TCF4: variants seen among roughly 807,000 people sequenced by gnomAD.
The protein encoded by TCF4 is transcription factor 4.
Under a neutral mutation model 82.1 loss-of-function variants are expected in TCF4, and 3 were observed. The ratio of observed to expected loss-of-function variants is 0.04; its 90% confidence interval spans 0.02 to 0.09. The LOEUF is 0.09. TCF4 is among the 10% of genes least tolerant of loss of function. The pLI is 1.00. For synonymous variants in TCF4, 276 were observed against 309.6 expected (o/e 0.89, Z 1.14); for missense variants, 518 against 852.7 (o/e 0.61, Z 4.89).
At chr18:55,538,026 G>GCACACACA (rs57686777) in intron 3 of TCF4, among the ~76,000 whole-genome samples, 2,372 of 131,498 alleles carry the variant, frequency 0.018, 33 homozygotes, top group East Asian at 0.065. Flanking sequence ...CTGCGCGCGC[G>GCACACACA]CACACACACA....
chr18:55,282,751 A>G (rs1023641983), intron 8 of TCF4, among the ~76,000 whole-genome samples: 1 of 152,126 alleles, frequency 6.6e-6, no homozygotes, highest in African/African-American at 2.4e-5. Context: ...TGAAATAAAA[A>G]TCCCAAATTC....
chr18:55,541,337 C>T (rs767772362), intron 3 of TCF4, among the ~76,000 whole-genome samples: 1 of 151,936 alleles, frequency 6.6e-6, no homozygotes, highest in Non-Finnish European at 1.5e-5. Flanking sequence ...ATTAGGAGAT[C>T]ATGATCTCAT....
chr18:55,549,414 T>C (rs990571751), intron 3 of TCF4, among the ~76,000 whole-genome samples: 1 of 152,226 alleles, frequency 6.6e-6, no homozygotes, highest in Non-Finnish European at 1.5e-5. Flanking sequence ...TTGACTCTTT[T>C]GTAATAACAC....
chr18:55,394,270 AC>A (rs997361772), intron 6 of TCF4, among the ~76,000 whole-genome samples: 2 of 151,912 alleles, frequency 1.3e-5, no homozygotes, highest in Non-Finnish European at 1.5e-5. Context: ...ACACACAGAG[AC>A]CCCCCCATGT....
chr18:55,623,855 G>C (rs933220708), intron 2 of TCF4, among the ~76,000 whole-genome samples: 1 of 152,022 alleles, frequency 6.6e-6, no homozygotes, highest in African/African-American at 2.4e-5. Flanking sequence ...TGTCAAGCTG[G>C]GACTATTTCA....
intron 6 of TCF4, among the ~76,000 whole-genome samples, chr18:55,397,616 G>A (rs2093576827): frequency 1.3e-5 from 2 of 152,180 alleles, no homozygotes; most frequent in Non-Finnish European, 1.5e-5. Context: ...AATGACACGC[G>A]TAAATGGCAT....
Position 55,227,524 on chromosome 18 carries a change from C to G in TCF4, c.*511G>C, listed in dbSNP as rs939273703. On this transcript the variant is annotated 3_prime_UTR_variant, in exon 20 of 20. Coordinates refer to ENST00000354452, the MANE Select transcript of TCF4 (RefSeq NM_001083962.2). ...TGTTACTAGGGCAGCCGAGCTTCCCCTAATTCAATATCCAGTAATTATAAA... is the reference window on the plus strand; with the variant it reads ...TGTTACTAGGGCAGCCGAGCTTCCCGTAATTCAATATCCAGTAATTATAAA... The G allele has an allele frequency of 2.0e-5, 3 of 152,322 alleles. No individual in the cohort carries two copies. Among genetic ancestry groups the G allele is most frequent in the Non-Finnish European group, 2.9e-5 (2 of 67,996 alleles). The allele number at this position is 152,322 out of a possible 1,614,324, so 9.4% of individuals were successfully genotyped here. A position where few individuals can be genotyped will look rare whatever the true frequency, so the allele number is the denominator to read the frequency against.
chr18:55,485,034 A>G (rs943637495), intron 3 of TCF4, among the ~76,000 whole-genome samples: 4 of 152,180 alleles, frequency 2.6e-5, no homozygotes, highest in Non-Finnish European at 5.9e-5. Context: ...CTAAGACACA[A>G]AGGTGCAGCC....
chr18:55,341,560 G>A (rs2079967362), intron 8 of TCF4, among the ~76,000 whole-genome samples: 1 of 152,162 alleles, frequency 6.6e-6, no homozygotes, highest in Admixed American at 6.5e-5. Context: ...TGTAAGTAGA[G>A]GCTGTCAGAC....
At chr18:55,600,407 C>T (rs2097695596) in intron 2 of TCF4, among the ~76,000 whole-genome samples, 1 of 152,182 alleles carries the variant, frequency 6.6e-6, no homozygotes, top group Non-Finnish European at 1.5e-5. Flanking sequence ...TATATTGCTG[C>T]TGCCTCCTCA....
chr18:55,499,550 C>T (rs747065460), intron 3 of TCF4, among the ~76,000 whole-genome samples: 5 of 152,174 alleles, frequency 3.3e-5, no homozygotes, highest in African/African-American at 1.2e-4. Flanking sequence ...CTTGACTGTA[C>T]ATTAGAATCA....
Position 55,622,169 on chromosome 18 carries a change from A to G in TCF4, c.286+9129T>C, listed in dbSNP as rs902972584. 1.0e-4 allele frequency among the ~76,000 whole-genome samples: 10 copies of G among 98,642 alleles called. No homozygotes were observed. The South Asian group carries it at 2.8e-3, about 28-fold the overall frequency. The allele number at this position is 98,642 out of a possible 152,430, so 64.7% of individuals were successfully genotyped here. A position where few individuals can be genotyped will look rare whatever the true frequency, so the allele number is the denominator to read the frequency against. On this transcript the variant is annotated intron_variant, in intron 2 of 20. Transcript: ENST00000398339. ...CAAGATTACACACACACACACACAC[A>G]CACGCACTCACACACACACCCTCTT...
At chr18:55,608,478 T>C (rs1271931056) in intron 2 of TCF4, among the ~76,000 whole-genome samples, 1 of 151,736 alleles carries the variant, frequency 6.6e-6, no homozygotes, top group Admixed American at 6.6e-5. Flanking sequence ...GGCATTGAGT[T>C]AAATACGCAT....
At chr18:55,458,809 A>G (rs1022852333) in intron 5 of TCF4, among the ~76,000 whole-genome samples, 1 of 152,196 alleles carries the variant, frequency 6.6e-6, no homozygotes, top group Non-Finnish European at 1.5e-5. Flanking sequence ...GGTATTTCAT[A>G]CTTGTTTCAA....
intron 2 of TCF4, among the ~76,000 whole-genome samples, chr18:55,601,746 T>G (rs1219132695): frequency 1.3e-5 from 2 of 152,116 alleles, no homozygotes; most frequent in East Asian, 3.9e-4. Context: ...ATCATGCCAC[T>G]GCACTCCAGT....
chr18:55,282,574 T>C (rs1005668711), intron 8 of TCF4, among the ~76,000 whole-genome samples: 1 of 152,128 alleles, frequency 6.6e-6, no homozygotes, highest in African/African-American at 2.4e-5. Flanking sequence ...CTCATACCCA[T>C]TCAGTTTTTA....
intron 4 of TCF4, 51 bp from the exon 5 acceptor site, chr18:55,461,166 C>T: frequency 1.4e-6 from 2 of 1,433,186 alleles, no homozygotes; most frequent in Non-Finnish European, 9.7e-7. Flanking sequence ...ATAAACAGCA[C>T]ATAAACAAAC....
chr18:55,595,839 G>A (rs1451845902), intron 2 of TCF4, among the ~76,000 whole-genome samples: 1 of 152,168 alleles, frequency 6.6e-6, no homozygotes, highest in Non-Finnish European at 1.5e-5. Context: ...TCTAGGGCCA[G>A]AATAGAGATC....
intron 15 of TCF4, among the ~76,000 whole-genome samples, chr18:55,253,181 T>C (rs764126432): frequency 3.2e-4 from 49 of 152,226 alleles, no homozygotes; most frequent in Non-Finnish European, 6.6e-4. Flanking sequence ...CCGTTCAGAA[T>C]GGTACTCTTA....
Sources: allele counts gnomAD v4.1 joint callset (sites outside exome capture counted in the v4.1 genomes callset), GRCh38; gene constraint gnomAD v4.1.1; transcripts MANE v1.5; gene names NCBI Gene and HGNC (gene_info 2026-07-23, HGNC 2026-07-21).